VWA8: variants seen among roughly 807,000 people sequenced by gnomAD.
VWA8 encodes the protein von Willebrand factor A domain containing 8.
In VWA8, 221 loss-of-function variants were observed where a neutral mutation model predicts 241.5. That is an observed-to-expected ratio of 0.91 (90% CI 0.82 to 1.02). The LOEUF (loss-of-function observed/expected upper bound fraction) is 1.02. VWA8 is among the 50% of genes least tolerant of loss of function. The probability of loss-of-function intolerance (pLI) is 0.00; values close to 1 mark genes in which losing one functional copy is unlikely to be tolerated. For missense variants in VWA8, 2,322 were observed against 2,328.7 expected (o/e 1.00, Z 0.06); for synonymous variants, 852 against 827.1 (o/e 1.03, Z -0.52).
intron 17 of VWA8, among the ~76,000 whole-genome samples, chr13:41,788,686 C>T (rs901842227): frequency 7.9e-5 from 12 of 152,104 alleles, no homozygotes; most frequent in African/African-American, 2.7e-4. Flanking sequence ...GTCCTGTTTC[C>T]TGAGCCCTTG....
Position 41,568,141 on chromosome 13 carries a change from C to G in VWA8, c.*56G>C, listed in dbSNP as rs2044273297. On this transcript the variant is annotated 3_prime_UTR_variant, in exon 45 of 45. Transcript: ENST00000379310. ...CATATCTTCTTTTTTTCAGAATACT[C>G]TTTATTCCTGTCTTATTTCAAATCC... The G allele has an allele frequency of 2.1e-6, 3 of 1,452,876 alleles. No homozygotes were observed. The highest frequency in any genetic ancestry group is 1.4e-5 in the African/African-American group (1 of 71,222). 90.0% of individuals were successfully genotyped at this position (1,452,876 alleles called of 1,614,324 possible). A position where few individuals can be genotyped will look rare whatever the true frequency, so the allele number is the denominator to read the frequency against.
intron 21 of VWA8, among the ~76,000 whole-genome samples, chr13:41,748,969 C>T (rs2045632132): frequency 6.6e-6 from 1 of 152,156 alleles, no homozygotes; most frequent in Non-Finnish European, 1.5e-5. Flanking sequence ...CATGTCTAAA[C>T]ACCAAAAGCA....
At chr13:41,942,067 T>C (rs1392483129) in intron 2 of VWA8, among the ~76,000 whole-genome samples, 1 of 151,970 alleles carries the variant, frequency 6.6e-6, no homozygotes, top group African/African-American at 2.4e-5. Flanking sequence ...AGTGCCCTTT[T>C]CCCCCCAATT....
chr13:41,818,516 C>T (rs116232888), intron 15 of VWA8, among the ~76,000 whole-genome samples: 15 of 151,356 alleles, frequency 9.9e-5, no homozygotes, highest in African/African-American at 3.2e-4. Flanking sequence ...TTCAGTGAGC[C>T]GAGATCACAC....
At chr13:41,757,544 C>T (rs1430136538) in intron 21 of VWA8, among the ~76,000 whole-genome samples, 4 of 151,682 alleles carry the variant, frequency 2.6e-5, no homozygotes, top group Non-Finnish European at 4.4e-5. Context: ...CTGCCATCTA[C>T]ACAGTAAACA....
intron 14 of VWA8, among the ~76,000 whole-genome samples, chr13:41,822,220 G>GT (rs1195210624): frequency 6.6e-6 from 1 of 152,080 alleles, no homozygotes; most frequent in African/African-American, 2.4e-5. Flanking sequence ...AAAATCTCCA[G>GT]TTTTTAAAGG....
chr13:41,775,420 C>A (rs1176033230), intron 20 of VWA8, among the ~76,000 whole-genome samples: 3 of 152,178 alleles, frequency 2.0e-5, no homozygotes, highest in African/African-American at 7.2e-5. Flanking sequence ...TACAAGATGG[C>A]AAGACAGTGT....
intron 37 of VWA8, among the ~76,000 whole-genome samples, chr13:41,653,605 C>T (rs763049166): frequency 5.3e-5 from 8 of 152,146 alleles, no homozygotes; most frequent in Admixed American, 1.3e-4. Flanking sequence ...ATAGCCAAAG[C>T]AATCCTAAGT....
intron 38 of VWA8, among the ~76,000 whole-genome samples, 182 bp downstream of exon 38, chr13:41,614,794 C>A (rs2044610567): frequency 6.6e-6 from 1 of 152,142 alleles, no homozygotes; most frequent in African/African-American, 2.4e-5. Flanking sequence ...ACTCCAAATG[C>A]CAGGCTCTTC....
chr13:41,679,618 C>G (rs1032493258), intron 35 of VWA8, among the ~76,000 whole-genome samples: 7 of 152,042 alleles, frequency 4.6e-5, no homozygotes, highest in African/African-American at 1.7e-4. Flanking sequence ...TTCTCCCCAT[C>G]TGCATTAAAT....
intron 37 of VWA8, among the ~76,000 whole-genome samples, chr13:41,616,737 C>T (rs918015173): frequency 3.9e-5 from 6 of 152,056 alleles, no homozygotes; most frequent in East Asian, 1.9e-4. Flanking sequence ...ATGGCTTGTG[C>T]GACTGAGGAC....
chr13:41,759,675 C>T (rs1411006702), intron 21 of VWA8, among the ~76,000 whole-genome samples: 1 of 151,666 alleles, frequency 6.6e-6, no homozygotes, highest in Non-Finnish European at 1.5e-5. Context: ...GTTTTATAGT[C>T]CTTGTCTGCT....
chr13:41,728,011 G>A (rs2137859088), intron 23 of VWA8, among the ~76,000 whole-genome samples: 1 of 152,144 alleles, frequency 6.6e-6, no homozygotes, highest in Non-Finnish European at 1.5e-5. Context: ...GATAGTACAA[G>A]TTTTATTATG....
At chr13:41,705,397 A>C (rs867575696) in intron 26 of VWA8, among the ~76,000 whole-genome samples, 31 of 152,320 alleles carry the variant, frequency 2.0e-4, no homozygotes, top group South Asian at 1.0e-3. Flanking sequence ...AATAGGCCAG[A>C]TCTTGAAAAC....
Position 41,573,486 on chromosome 13 carries a change from A to AAATAAATAAATAT in VWA8, c.5370+2253_5370+2254insATATTTATTTATT. 6.3e-4 allele frequency among the ~76,000 whole-genome samples: 72 copies of AAATAAATAAATAT among 113,570 alleles called. 2 individuals carry two copies. Among genetic ancestry groups the AAATAAATAAATAT allele is most frequent in the African/African-American group, 1.4e-3 (41 of 29,178 alleles). 74.5% of individuals were successfully genotyped at this position (113,570 alleles called of 152,430 possible). ...GGTGGCTATAGTTTAAAAAAAAAAA[A>AAATAAATAAATAT]ATATATATATATATATATATACCTC... On this transcript the variant is annotated intron_variant, in intron 43 of 44. Coordinates refer to ENST00000379310, the MANE Select transcript of VWA8 (RefSeq NM_015058.2).
chr13:41,632,021 A>G (rs1224208049), intron 37 of VWA8, among the ~76,000 whole-genome samples: 1 of 152,194 alleles, frequency 6.6e-6, no homozygotes, highest in Non-Finnish European at 1.5e-5. Context: ...AAGAGCCTTC[A>G]AAAGGTTAAC....
intron 37 of VWA8, among the ~76,000 whole-genome samples, chr13:41,637,788 G>A (rs2044769065): frequency 6.6e-6 from 1 of 152,114 alleles, no homozygotes; most frequent in African/African-American, 2.4e-5. Context: ...TGTTGTAACA[G>A]TACATGATGC....
chr13:41,758,929 G>A (rs1269101182), intron 21 of VWA8, among the ~76,000 whole-genome samples: 1 of 151,186 alleles, frequency 6.6e-6, no homozygotes, highest in Non-Finnish European at 1.5e-5. Context: ...GGATCATATG[G>A]TTTTTTATTT....
intron 2 of VWA8, among the ~76,000 whole-genome samples, chr13:41,913,383 T>C (rs1289542375): frequency 6.6e-6 from 1 of 152,216 alleles, no homozygotes; most frequent in African/African-American, 2.4e-5. Context: ...TTACAGTGTT[T>C]ATTATGTTGC....
Sources: allele counts gnomAD v4.1 joint callset (sites outside exome capture counted in the v4.1 genomes callset), GRCh38; gene constraint gnomAD v4.1.1; transcripts MANE v1.5; gene names NCBI Gene and HGNC (gene_info 2026-07-23, HGNC 2026-07-21).